The following CCDC3 variants were observed in gnomAD, a reference collection of about 807,000 sequenced individuals.
CCDC3 encodes coiled-coil domain-containing protein 3.
Under a neutral mutation model 21.4 loss-of-function variants are expected in CCDC3, and 24 were observed. The observed-to-expected ratio is 1.12, with a 90% CI of 0.81 to 1.58. CCDC3 has a LOEUF of 1.58. Among genes scored for constraint, CCDC3 ranks in the 40% most tolerant of loss-of-function variants. The pLI, the probability that CCDC3 is intolerant of heterozygous loss-of-function variation, is 0.00. For synonymous variants in CCDC3, 186 were observed against 166.0 expected (o/e 1.12, Z -0.93); for missense variants, 425 against 360.9 (o/e 1.18, Z -1.44).
Position 13,016,941 on chromosome 10 carries a change from T to C in CCDC3, c.-1-18429A>G, listed in dbSNP as rs148967597. On this transcript the variant is annotated intron_variant, in intron 5 of 6. Transcript: ENST00000378839. The stretch of plus-strand genomic sequence containing the variant: ...CCCAGTCCATGACAATTCTGTTCTG[T>C]TGGGAGAGGACAGAAACAAGGGACC... 2.4e-4 allele frequency among the ~76,000 whole-genome samples: 36 copies of C among 152,090 alleles called. 1 individual carries two copies. Among genetic ancestry groups the C allele is most frequent in the Middle Eastern group, 3.4e-3 (1 of 294 alleles).
chr10:12,948,438 T>C (rs1024103205), intron 2 of CCDC3, among the ~76,000 whole-genome samples: 17 of 150,288 alleles, frequency 1.1e-4, no homozygotes, highest in Non-Finnish European at 2.4e-4. Context: ...GGTGAAGAGT[T>C]TGATGTGGCT....
chr10:12,944,131 A>T (rs951787564), intron 2 of CCDC3, among the ~76,000 whole-genome samples: 1 of 152,170 alleles, frequency 6.6e-6, no homozygotes, highest in African/African-American at 2.4e-5. Context: ...GAAGGAAATT[A>T]TTTTACCCCA....
chr10:13,052,987 TAC>T (rs574838741), intron 4 of CCDC3, among the ~76,000 whole-genome samples: 1 of 59,358 alleles, frequency 1.7e-5, no homozygotes, highest in Non-Finnish European at 3.5e-5. Flanking sequence ...CACACACACA[TAC>T]ACACACACAC....
At chr10:13,096,177 TTC>T (rs925719960) in intron 3 of CCDC3, among the ~76,000 whole-genome samples, 56 of 61,994 alleles carry the variant, frequency 9.0e-4, no homozygotes, top group African/African-American at 2.3e-3. Context: ...CCTTTCTTCC[TTC>T]TCTCTCTCTC....
chr10:13,076,037 G>A (rs981544349), intron 3 of CCDC3, among the ~76,000 whole-genome samples: 8 of 152,158 alleles, frequency 5.3e-5, no homozygotes, highest in Admixed American at 3.3e-4. Flanking sequence ...ACTCCAGCCT[G>A]GGTGACAGAG....
intron 2 of CCDC3, among the ~76,000 whole-genome samples, chr10:12,992,497 A>G (rs73583862): frequency 3.0e-4 from 46 of 152,288 alleles, no homozygotes; most frequent in African/African-American, 1.1e-3. Context: ...AAATAATGGC[A>G]TTCGCAGAGA....
At chr10:13,010,960 T>C (rs1041805272) in intron 5 of CCDC3, among the ~76,000 whole-genome samples, 1 of 152,074 alleles carries the variant, frequency 6.6e-6, no homozygotes, top group Non-Finnish European at 1.5e-5. Flanking sequence ...GGTGGGTGGA[T>C]CATGAGGTCA....
intron 3 of CCDC3, among the ~76,000 whole-genome samples, chr10:13,093,611 G>T (rs1288124433): frequency 6.6e-6 from 1 of 151,798 alleles, no homozygotes; most frequent in Non-Finnish European, 1.5e-5. Context: ...AAGCTAAGAG[G>T]TTATCTATCT....
intron 5 of CCDC3, among the ~76,000 whole-genome samples, chr10:13,010,805 A>C (rs1198052872): frequency 6.6e-6 from 1 of 152,210 alleles, no homozygotes; most frequent in Non-Finnish European, 1.5e-5. Flanking sequence ...ACACCAAAAC[A>C]TGCATGAATC....
At chr10:12,963,494 T>C in intron 2 of CCDC3, among the ~76,000 whole-genome samples, 1 of 152,130 alleles carries the variant, frequency 6.6e-6, no homozygotes, top group East Asian at 1.9e-4. Context: ...TTCTATCTGT[T>C]CCTCATAATG....
intron 2 of CCDC3, among the ~76,000 whole-genome samples, chr10:12,917,930 T>C (rs1343865051): frequency 2.0e-5 from 3 of 152,248 alleles, no homozygotes; most frequent in Non-Finnish European, 4.4e-5. Context: ...GAACATTTCT[T>C]AGAAGTATGG....
chr10:12,905,308 G>C (rs976458225), intron 2 of CCDC3, among the ~76,000 whole-genome samples: 1 of 152,232 alleles, frequency 6.6e-6, no homozygotes, highest in East Asian at 1.9e-4. Flanking sequence ...GTTTGTGGCA[G>C]CTGTTGTGCT....
chr10:12,898,263 G>T lies in CCDC3; in HGVS notation c.*153C>A. On this transcript the variant is annotated 3_prime_UTR_variant, in exon 3 of 3. Coordinates refer to ENST00000378825, the MANE Select transcript of CCDC3 (RefSeq NM_031455.4). ...ATTGAGGCCAGCACCCAAGGGGAAA[G>T]CAAGCCTTGCATTTTATCCATTTAG... The T allele has an allele frequency of 1.1e-6, 1 of 913,760 alleles. No homozygotes were observed. 56.6% of individuals were successfully genotyped at this position (913,760 alleles called of 1,614,324 possible).
In CCDC3 at chr10:12,996,461, G is replaced by C. The variant is rs149261264; in HGVS notation, c.549+1877C>G. ...AGCGATTTTCCTGCCTCAGCCTCCC[G>C]AGTAGCTGGAATTAGAAGCACGCAC... On this transcript the variant is annotated intron_variant, in intron 2 of 2. Coordinates refer to ENST00000378825, the MANE Select transcript of CCDC3 (RefSeq NM_031455.4). Among the ~76,000 whole-genome samples, 48 of 152,168 alleles carry C rather than the reference G, an allele frequency of 3.2e-4. 1 individual carries two copies. The East Asian group carries it at 7.0e-3, about 22-fold the overall frequency.
At chr10:12,978,199 A>G (rs1835444675) in intron 2 of CCDC3, among the ~76,000 whole-genome samples, 1 of 151,876 alleles carries the variant, frequency 6.6e-6, no homozygotes. Flanking sequence ...TTTTGTATTT[A>G]GTAGAGAGGG....
rs184079641 is a variant in CCDC3, at chr10:12,931,834, G to T, written c.550-33155C>A. 1.4e-3 allele frequency among the ~76,000 whole-genome samples: 219 copies of T among 152,270 alleles called. 1 individual carries two copies. The highest frequency in any genetic ancestry group is 4.8e-3 in the African/African-American group (199 of 41,542). ...GTCCTGTGTGTTTCTTCCATGCAGG[G>T]GCTCTGAATCTGGGGTCTCCACTAC... On this transcript the variant is annotated intron_variant, in intron 2 of 2. Coordinates refer to ENST00000378825, the MANE Select transcript of CCDC3 (RefSeq NM_031455.4).
intron 2 of CCDC3, 131 bp downstream of exon 2, chr10:12,998,207 A>G (rs1835791325): frequency 2.2e-6 from 2 of 899,420 alleles, no homozygotes; most frequent in African/African-American, 1.7e-5. Context: ...CAGGAGAGAG[A>G]GAGGGCATAC....
intron 2 of CCDC3, among the ~76,000 whole-genome samples, chr10:12,926,591 C>T (rs76632575): frequency 0.053 from 8,030 of 152,160 alleles, 238 homozygotes; most frequent in Non-Finnish European, 0.072. Flanking sequence ...GGGACAAATA[C>T]AAAATATTAA....
intron 2 of CCDC3, among the ~76,000 whole-genome samples, chr10:12,927,140 C>T (rs747460219): frequency 4.6e-5 from 7 of 152,130 alleles, no homozygotes; most frequent in Admixed American, 1.3e-4. Flanking sequence ...TGGAAATTTC[C>T]GAACACACAT....
Sources: allele counts gnomAD v4.1 joint callset (sites outside exome capture counted in the v4.1 genomes callset), GRCh38; gene constraint gnomAD v4.1.1; transcripts MANE v1.5; gene names NCBI Gene and HGNC (gene_info 2026-07-23, HGNC 2026-07-21).